Variants in TACR1 observed in about 807,000 individuals in gnomAD.
TACR1 encodes the protein substance-P receptor.
A neutral mutation model predicts 35.8 loss-of-function variants in TACR1; 25 were observed. That is an observed-to-expected ratio of 0.70 (90% CI 0.51 to 0.98). The LOEUF is 0.98. TACR1 is among the 50% of genes least tolerant of loss of function. TACR1 has a pLI of 0.00. For missense variants in TACR1, 478 were observed against 522.9 expected, an observed-to-expected ratio of 0.91 and a Z score of 0.84; for synonymous variants, 195 against 206.7, an observed-to-expected ratio of 0.94 and a Z score of 0.48.
chr2:75,060,629 G>A (rs1672652042), intron 2 of TACR1, among the ~76,000 whole-genome samples: 1 of 152,322 alleles, frequency 6.6e-6, no homozygotes, highest in Admixed American at 6.5e-5. Flanking sequence ...ACAGACTGGA[G>A]AGTTGTGATT....
chr2:75,153,045 G>A (rs886768133), intron 1 of TACR1, among the ~76,000 whole-genome samples: 2 of 152,186 alleles, frequency 1.3e-5, no homozygotes, highest in African/African-American at 4.8e-5. Flanking sequence ...GGGACTACAG[G>A]CGTGCACCAC....
At chr2:75,119,691 C>A (rs1673927540) in intron 2 of TACR1, among the ~76,000 whole-genome samples, 1 of 152,200 alleles carries the variant, frequency 6.6e-6, no homozygotes. Flanking sequence ...TCTGCCCTGT[C>A]AGGGACCTGT....
chr2:75,193,132 G>A (rs991423755), intron 1 of TACR1, among the ~76,000 whole-genome samples: 2 of 151,870 alleles, frequency 1.3e-5, no homozygotes, highest in African/African-American at 4.8e-5. Context: ...TTACCAGGAA[G>A]TCTTTCCCAT....
At chr2:75,194,846 G>A (rs1489493087) in intron 1 of TACR1, among the ~76,000 whole-genome samples, 5 of 152,160 alleles carry the variant, frequency 3.3e-5, no homozygotes, top group African/African-American at 4.8e-5. Context: ...GTGCTTGTCT[G>A]GACCTCGCTG....
At position 75,047,661 on chromosome 2, in the gene TACR1, C is replaced by G. The variant is rs1011565404; in HGVS notation, c.*1771G>C. On this transcript the variant is annotated 3_prime_UTR_variant, in exon 5 of 5. Transcript: ENST00000305249. Reference sequence around the variant, plus strand: ...AACTTTTGTTGCTTCTAAATTTTGTCTTCCATTTATATATCTGCAATGATC... The same window carrying G: ...AACTTTTGTTGCTTCTAAATTTTGTGTTCCATTTATATATCTGCAATGATC... 1 of 152,172 alleles carries G rather than the reference C, an allele frequency of 6.6e-6. No homozygotes were observed. The highest frequency in any genetic ancestry group is 1.5e-5 in the Non-Finnish European group (1 of 68,046). 9.4% of individuals were successfully genotyped at this position (152,172 alleles called of 1,614,324 possible). A position where few individuals can be genotyped will look rare whatever the true frequency, so the allele number is the denominator to read the frequency against.
At chr2:75,073,349 G>A (rs1238349557) in intron 2 of TACR1, among the ~76,000 whole-genome samples, 3 of 152,238 alleles carry the variant, frequency 2.0e-5, no homozygotes, top group Non-Finnish European at 4.4e-5. Context: ...TCTAAGAGGA[G>A]AAGAATGGAG....
intron 3 of TACR1, among the ~76,000 whole-genome samples, chr2:75,051,761 G>C (rs1398716146): frequency 6.6e-6 from 1 of 152,220 alleles, no homozygotes; most frequent in Non-Finnish European, 1.5e-5. Flanking sequence ...CCCAAATTCT[G>C]AGTGTGACAA....
At chr2:75,170,201 G>T (rs935622022) in intron 1 of TACR1, among the ~76,000 whole-genome samples, 2 of 152,184 alleles carry the variant, frequency 1.3e-5, no homozygotes, top group Admixed American at 1.3e-4. Context: ...ATTGAGTCAT[G>T]GGGATGGGTC....
intron 2 of TACR1, among the ~76,000 whole-genome samples, chr2:75,103,119 G>C (rs1673571682): frequency 6.6e-6 from 1 of 152,100 alleles, no homozygotes; most frequent in Non-Finnish European, 1.5e-5. Flanking sequence ...CAAAAGCAGA[G>C]AACCATTTGA....
chr2:75,115,518 T>G (rs1259057663), intron 2 of TACR1, among the ~76,000 whole-genome samples: 2 of 152,152 alleles, frequency 1.3e-5, no homozygotes, highest in African/African-American at 4.8e-5. Context: ...ATGGTGGCAC[T>G]CTGTAATAGC....
At chr2:75,131,802 A>G (rs745407254) in intron 1 of TACR1, among the ~76,000 whole-genome samples, 2 of 152,236 alleles carry the variant, frequency 1.3e-5, no homozygotes, top group Non-Finnish European at 2.9e-5. Context: ...TGACTGTTTT[A>G]TGAATTAACC....
intron 1 of TACR1, among the ~76,000 whole-genome samples, chr2:75,191,268 C>T (rs1393199800): frequency 6.6e-6 from 1 of 152,114 alleles, no homozygotes; most frequent in Non-Finnish European, 1.5e-5. Context: ...GTGAACAATG[C>T]AGGAGTTGGA....
intron 1 of TACR1, among the ~76,000 whole-genome samples, chr2:75,126,508 C>T (rs1674075373): frequency 6.6e-6 from 1 of 152,134 alleles, no homozygotes; most frequent in Middle Eastern, 3.2e-3. Context: ...GGAATAAAGA[C>T]TTGAATGTGA....
intron 1 of TACR1, among the ~76,000 whole-genome samples, chr2:75,167,398 T>A (rs79899228): frequency 1.1e-3 from 173 of 152,314 alleles, no homozygotes; most frequent in African/African-American, 4.0e-3. Flanking sequence ...CCTTGTCAGA[T>A]ATCAGAATAA....
chr2:75,090,960 G>C (rs533414705), intron 2 of TACR1: 1 of 152,456 alleles, frequency 6.6e-6, no homozygotes, highest in South Asian at 2.1e-4. Context: ...CTGTGGAAAC[G>C]GGGCCACCTA....
At chr2:75,091,572 T>C (rs1480525243) in intron 2 of TACR1, among the ~76,000 whole-genome samples, 1 of 152,178 alleles carries the variant, frequency 6.6e-6, no homozygotes, top group East Asian at 1.9e-4. Context: ...CTTGCTTAAG[T>C]GAGTCTGTTA....
intron 1 of TACR1, among the ~76,000 whole-genome samples, chr2:75,172,711 C>T (rs1675319853): frequency 6.6e-6 from 1 of 152,154 alleles, no homozygotes; most frequent in African/African-American, 2.4e-5. Flanking sequence ...CCTGCTTCCT[C>T]TTATTAACAG....
In TACR1 at chr2:75,199,038, G is replaced by A. The variant is rs1676068049; in HGVS notation, c.-104C>T. 1 of 1,427,344 alleles carries A rather than the reference G, an allele frequency of 7.0e-7. No homozygotes were observed. The highest frequency in any genetic ancestry group is 1.4e-5 in the South Asian group (1 of 70,472). 88.4% of individuals were successfully genotyped at this position (1,427,344 alleles called of 1,614,324 possible). ...CTCAGGGTCCTTCTAAAGCCAGACA[G>A]GAGGGTGGAAGGCTTTTTCTGGGCA... On this transcript the variant is annotated 5_prime_UTR_variant, in exon 1 of 5. Coordinates refer to ENST00000305249, the MANE Select transcript of TACR1 (RefSeq NM_001058.4).
chr2:75,194,713 C>A (rs1675923659), intron 1 of TACR1, among the ~76,000 whole-genome samples: 2 of 152,150 alleles, frequency 1.3e-5, no homozygotes, highest in South Asian at 4.1e-4. Context: ...TCTCTCTGGG[C>A]AACTATATTT....
Sources: gnomAD v4.1 joint callset for allele counts (sites outside exome capture counted in the v4.1 genomes callset) on GRCh38, gnomAD v4.1.1 for gene constraint, MANE v1.5 for transcripts, NCBI Gene and HGNC (gene_info 2026-07-23, HGNC 2026-07-21) for gene names.